NCAM2: variants seen among roughly 807,000 people sequenced by gnomAD.
NCAM2 encodes N-CAM-2.
In NCAM2, 30 loss-of-function variants were observed where a neutral mutation model predicts 98.1. That is an observed-to-expected ratio of 0.31 (90% confidence interval 0.23 to 0.41). NCAM2 has a LOEUF of 0.41. Among genes scored for constraint, NCAM2 ranks in the 10% least tolerant of loss-of-function variants. The pLI is 1.00. For synonymous variants in NCAM2, 368 were observed against 342.4 expected (o/e 1.07, Z -0.83); for missense variants, 867 against 1,005.8 (o/e 0.86, Z 1.87).
At position 21,238,804 on chromosome 21, in the gene NCAM2, A is replaced by G. The variant is rs1293218418; in HGVS notation, c.56-41774A>G. ...TACCGACATAATCAACTAGAAGTTC[A>G]AAGAGTTGTTTACGTCAATTTCCTG... On this transcript the variant is annotated intron_variant, in intron 1 of 17. Transcript: ENST00000400546. Among the ~76,000 whole-genome samples the G allele has an allele frequency of 2.6e-5, 4 of 152,110 alleles. No individual in the cohort carries two copies. In the East Asian group the frequency reaches 7.7e-4, roughly 29 times the overall value.
rs374215357 is a variant in NCAM2 at position 21,276,926 on chromosome 21, T to C, written c.56-3652T>C. Among the ~76,000 whole-genome samples the C allele has an allele frequency of 1.6e-4, 24 of 152,222 alleles. No homozygotes were observed. In the East Asian group the frequency reaches 3.7e-3, roughly 23 times the overall value. ...AAATTAACCAGATGTTTAATATAAA[T>C]AAATTAATTAATTTCATGTTCAATT... On this transcript the variant is annotated intron_variant, in intron 1 of 17. Transcript: ENST00000400546.
At chr21:21,398,443 A>G (rs962756538) in intron 9 of NCAM2, among the ~76,000 whole-genome samples, 1 of 152,196 alleles carries the variant, frequency 6.6e-6, no homozygotes, top group Non-Finnish European at 1.5e-5. Context: ...AGAAGAAAAA[A>G]GGTGATTAGG....
chr21:21,005,247 G>T (rs987845725), intron 1 of NCAM2, among the ~76,000 whole-genome samples: 6 of 152,152 alleles, frequency 3.9e-5, no homozygotes, highest in Non-Finnish European at 8.8e-5. Context: ...CCATGTGTAG[G>T]ATGGACCAGA....
chr21:21,350,949 G>GAGAGA (rs11368423), intron 8 of NCAM2, among the ~76,000 whole-genome samples: 163 of 136,368 alleles, frequency 1.2e-3, no homozygotes, highest in East Asian at 1.4e-3. Context: ...AAAAAAAAAA[G>GAGAGA]GAGAGAAAAG....
At chr21:21,005,810 CA>C (rs371717219) in intron 1 of NCAM2, among the ~76,000 whole-genome samples, 9,169 of 144,294 alleles carry the variant, frequency 0.064, 284 homozygotes, top group Non-Finnish European at 0.063. Context: ...ACGCCCCCCC[CA>C]AAAAAAAAAC....
chr21:21,454,129 A>C (rs759568994), intron 12 of NCAM2, among the ~76,000 whole-genome samples: 7 of 152,118 alleles, frequency 4.6e-5, no homozygotes, highest in Non-Finnish European at 8.8e-5. Context: ...CAGAGAAATC[A>C]TACTTTTCCT....
At chr21:21,450,267 A>T (rs952969232) in intron 12 of NCAM2, among the ~76,000 whole-genome samples, 5 of 151,938 alleles carry the variant, frequency 3.3e-5, no homozygotes, top group African/African-American at 1.2e-4. Flanking sequence ...ATGTGTGTAT[A>T]TATATACTAT....
intron 1 of NCAM2, among the ~76,000 whole-genome samples, chr21:21,222,128 C>T (rs758414030): frequency 1.3e-4 from 20 of 152,264 alleles, no homozygotes; most frequent in South Asian, 2.1e-4. Flanking sequence ...TTTAAGCCTA[C>T]AGTTGAGACC....
chr21:21,520,975 A>T (rs1250288773), intron 16 of NCAM2, among the ~76,000 whole-genome samples: 1 of 152,136 alleles, frequency 6.6e-6, no homozygotes, highest in Non-Finnish European at 1.5e-5. Flanking sequence ...GTATCTCCTT[A>T]TGTTTCTGGA....
chr21:21,214,746 T>TATATACATATATATATATATAC (rs11268201), intron 1 of NCAM2, among the ~76,000 whole-genome samples: 4 of 100,608 alleles, frequency 4.0e-5, no homozygotes, highest in Non-Finnish European at 6.3e-5. Flanking sequence ...TATATATATA[T>TATATACATATATATATATATAC]ACACTATATA....
intron 1 of NCAM2, among the ~76,000 whole-genome samples, chr21:21,235,644 A>C (rs1287652120): frequency 6.6e-6 from 1 of 152,114 alleles, no homozygotes; most frequent in Non-Finnish European, 1.5e-5. Context: ...TGATTTATAT[A>C]GTGAACAGAA....
At chr21:21,039,620 A>G (rs756086594) in intron 1 of NCAM2, among the ~76,000 whole-genome samples, 2 of 152,332 alleles carry the variant, frequency 1.3e-5, no homozygotes, top group East Asian at 1.9e-4. Context: ...CAAAAGGACT[A>G]TATTCAAATG....
chr21:21,336,698 C>A (rs1328410618), intron 7 of NCAM2, among the ~76,000 whole-genome samples: 1 of 152,136 alleles, frequency 6.6e-6, no homozygotes, highest in African/African-American at 2.4e-5. Context: ...GAAGCATTTT[C>A]TGAGCTAGAG....
At chr21:21,209,996 C>T (rs902331560) in intron 1 of NCAM2, among the ~76,000 whole-genome samples, 6 of 152,126 alleles carry the variant, frequency 3.9e-5, no homozygotes, top group Non-Finnish European at 1.5e-5. Flanking sequence ...ATTGGAAGGG[C>T]TGGCCGACTT....
chr21:21,329,967 A>C (rs1002283988), intron 6 of NCAM2, among the ~76,000 whole-genome samples: 13 of 152,018 alleles, frequency 8.6e-5, no homozygotes, highest in Non-Finnish European at 1.3e-4. Flanking sequence ...GTTATACTTC[A>C]ATTTGCATGT....
intron 5 of NCAM2, among the ~76,000 whole-genome samples, chr21:21,315,719 GC>G (rs1236421475): frequency 6.6e-6 from 1 of 152,064 alleles, no homozygotes; most frequent in Non-Finnish European, 1.5e-5. Flanking sequence ...TTCAATCCAG[GC>G]CATGGAATTC....
At chr21:21,331,509 C>CTATATATA (rs748594575) in intron 6 of NCAM2, among the ~76,000 whole-genome samples, 163 of 5,018 alleles carry the variant, frequency 0.032, 36 homozygotes, top group African/African-American at 0.068. Context: ...ACTCTATACT[C>CTATATATA]TCTCTCTCTA....
intron 1 of NCAM2, among the ~76,000 whole-genome samples, chr21:21,018,368 A>C (rs368175885): frequency 2.0e-5 from 3 of 152,360 alleles, no homozygotes; most frequent in South Asian, 2.1e-4. Context: ...CTGCATGCGC[A>C]GACTTGAATT....
intron 1 of NCAM2, among the ~76,000 whole-genome samples, chr21:21,192,241 AC>A (rs1193912043): frequency 6.6e-6 from 1 of 152,000 alleles, no homozygotes; most frequent in Non-Finnish European, 1.5e-5. Flanking sequence ...AAAAACAAAA[AC>A]AAAAAAACTA....
Sources: gnomAD v4.1 joint callset for allele counts (sites outside exome capture counted in the v4.1 genomes callset) on GRCh38, gnomAD v4.1.1 for gene constraint, MANE v1.5 for transcripts, NCBI Gene and HGNC (gene_info 2026-07-23, HGNC 2026-07-21) for gene names.